SYN3: variants seen among roughly 807,000 people sequenced by gnomAD.
The protein encoded by SYN3 is synapsin III.
In SYN3, 35 loss-of-function variants were observed where a neutral mutation model predicts 65.8. The ratio of observed to expected loss-of-function variants is 0.53; its 90% CI spans 0.41 to 0.70. The LOEUF (loss-of-function observed/expected upper bound fraction) is 0.70. SYN3 is among the 30% of genes least tolerant of loss of function. The probability of loss-of-function intolerance (pLI) is 0.00; values close to 1 mark genes in which losing one functional copy is unlikely to be tolerated. For synonymous variants in SYN3, 270 were observed against 292.9 expected, an observed-to-expected ratio of 0.92 and a Z score of 0.80; for missense variants, 680 against 749.0, an observed-to-expected ratio of 0.91 and a Z score of 1.08.
At chr22:32,528,388 C>T (rs2058017099) in intron 11 of SYN3, among the ~76,000 whole-genome samples, 1 of 152,106 alleles carries the variant, frequency 6.6e-6, no homozygotes, top group South Asian at 2.1e-4. Context: ...CTTTGGAGAG[C>T]AGTCTGGTAA....
At chr22:33,051,503 C>T (rs1227536564) in intron 1 of SYN3, among the ~76,000 whole-genome samples, 1 of 152,080 alleles carries the variant, frequency 6.6e-6, no homozygotes, top group Non-Finnish European at 1.5e-5. Context: ...ACATTGGGAC[C>T]CTTTCTGGAC....
Position 32,704,584 on chromosome 22 carries a change from A to G in SYN3, c.712-107848T>C, listed in dbSNP as rs139569811. Among the ~76,000 whole-genome samples the G allele has an allele frequency of 1.6e-3, 239 of 152,360 alleles. 1 individual carries two copies. The highest frequency in any genetic ancestry group is 4.9e-3 in the African/African-American group (203 of 41,592). The stretch of plus-strand genomic sequence containing the variant: ...TTATATTCATTTGGGTATATACCCA[A>G]TAATGGGATTGTGGGGTCAAATAAT... On this transcript the variant is annotated intron_variant, in intron 6 of 13. Transcript: ENST00000358763.
intron 6 of SYN3, chr22:32,863,123 A>G (rs1405401314): frequency 6.6e-6 from 1 of 152,562 alleles, no homozygotes; most frequent in African/African-American, 2.4e-5. Flanking sequence ...GTCTATCCCC[A>G]GCTCCAGGCC....
chr22:32,984,893 A>G (rs2052477196), intron 2 of SYN3, among the ~76,000 whole-genome samples: 1 of 152,190 alleles, frequency 6.6e-6, no homozygotes, highest in Admixed American at 6.5e-5. Context: ...CTCACTGACC[A>G]TGTGTTCTAA....
At chr22:32,699,168 A>G (rs1601936150) in intron 6 of SYN3, among the ~76,000 whole-genome samples, 1 of 152,228 alleles carries the variant, frequency 6.6e-6, no homozygotes, top group Non-Finnish European at 1.5e-5. Flanking sequence ...GTTGGCCCAG[A>G]AAGACTCCAG....
At chr22:32,746,474 G>A (rs1322570207) in intron 6 of SYN3, among the ~76,000 whole-genome samples, 1 of 151,920 alleles carries the variant, frequency 6.6e-6, no homozygotes, top group Non-Finnish European at 1.5e-5. Flanking sequence ...CTTAAAGCGT[G>A]GACAAACCCA....
chr22:33,017,798 T>C (rs938142031), intron 1 of SYN3, among the ~76,000 whole-genome samples: 3 of 151,710 alleles, frequency 2.0e-5, no homozygotes, highest in African/African-American at 7.3e-5. Context: ...ATTTTCTATA[T>C]TTAAGATCAT....
intron 6 of SYN3, among the ~76,000 whole-genome samples, chr22:32,770,968 G>A (rs2045753930): frequency 6.6e-6 from 1 of 151,756 alleles, no homozygotes; most frequent in Non-Finnish European, 1.5e-5. Flanking sequence ...GTATACATGT[G>A]CCATGGTGGT....
chr22:32,757,355 T>G (rs1034065497), intron 6 of SYN3, among the ~76,000 whole-genome samples: 3 of 144,398 alleles, frequency 2.1e-5, no homozygotes, highest in African/African-American at 7.8e-5. Context: ...TGGAGTGCAA[T>G]GGCGCAATCT....
chr22:32,814,566 G>A lies in SYN3; in HGVS notation c.711+50349C>T, dbSNP rs569243789. On this transcript the variant is annotated intron_variant, in intron 6 of 13. Coordinates refer to ENST00000358763, the MANE Select transcript of SYN3 (RefSeq NM_003490.4). ...TAGAACTTCAGGTGCTGATAAATAT[G>A]GTAACATCATGGGGTGCTTTGGCAG... is the stretch of plus-strand genomic sequence containing the variant. Among the ~76,000 whole-genome samples the A allele has an allele frequency of 4.6e-5, 7 of 152,224 alleles. No individual in the cohort carries two copies. The South Asian group carries it at 1.5e-3, about 32-fold the overall frequency.
chr22:32,808,913 C>T (rs1286078377), intron 6 of SYN3, among the ~76,000 whole-genome samples: 3 of 152,220 alleles, frequency 2.0e-5, no homozygotes, highest in Non-Finnish European at 2.9e-5. Flanking sequence ...ATAAACCTAA[C>T]CCACTTTAGA....
At chr22:32,966,499 A>AC (rs1480338354) in intron 3 of SYN3, among the ~76,000 whole-genome samples, 1 of 151,928 alleles carries the variant, frequency 6.6e-6, no homozygotes, top group Non-Finnish European at 1.5e-5. Context: ...AGAGCTTGAG[A>AC]CCCCCAAAAC....
chr22:32,623,269 C>T (rs1302263385), intron 6 of SYN3, among the ~76,000 whole-genome samples: 1 of 151,816 alleles, frequency 6.6e-6, no homozygotes, highest in Admixed American at 6.6e-5. Flanking sequence ...TCACTTCAGT[C>T]TTAAACTCCT....
chr22:32,588,231 C>T (rs2059078584), intron 7 of SYN3, among the ~76,000 whole-genome samples: 1 of 152,170 alleles, frequency 6.6e-6, no homozygotes, highest in East Asian at 1.9e-4. Context: ...TGGAGATGCT[C>T]CCTTGCTGTG....
At chr22:33,009,254 C>A (rs1348541090) in intron 1 of SYN3, among the ~76,000 whole-genome samples, 1 of 152,136 alleles carries the variant, frequency 6.6e-6, no homozygotes, top group Non-Finnish European at 1.5e-5. Context: ...TTGAGAGTTC[C>A]CGTTCCTCCA....
intron 6 of SYN3, among the ~76,000 whole-genome samples, chr22:32,774,491 C>G (rs2045858783): frequency 6.6e-6 from 1 of 152,194 alleles, no homozygotes; most frequent in Non-Finnish European, 1.5e-5. Context: ...CCTGTCCACA[C>G]TCTGGAGGCA....
At chr22:32,706,323 G>A (rs908785956) in intron 6 of SYN3, among the ~76,000 whole-genome samples, 5 of 152,120 alleles carry the variant, frequency 3.3e-5, no homozygotes, top group African/African-American at 9.7e-5. Flanking sequence ...AGAAAAAAGC[G>A]ACACCATAAG....
chr22:32,516,835 T>C (rs959986557), intron 13 of SYN3, among the ~76,000 whole-genome samples: 1 of 152,248 alleles, frequency 6.6e-6, no homozygotes, highest in Middle Eastern at 3.4e-3. Context: ...GTCTGTACAA[T>C]GGGGATAAGA....
At chr22:32,996,012 G>T (rs962602445) in intron 2 of SYN3, among the ~76,000 whole-genome samples, 1 of 152,064 alleles carries the variant, frequency 6.6e-6, no homozygotes, top group Non-Finnish European at 1.5e-5. Flanking sequence ...AGAAGGAGGA[G>T]GGGAAGCCTT....
Sources: allele counts gnomAD v4.1 joint callset (sites outside exome capture counted in the v4.1 genomes callset), GRCh38; gene constraint gnomAD v4.1.1; transcripts MANE v1.5; gene names NCBI Gene and HGNC (gene_info 2026-07-23, HGNC 2026-07-21).